FSTL5: variants seen among roughly 807,000 people sequenced by gnomAD.
The protein encoded by FSTL5 is follistatin-related protein 5.
FSTL5 carries 62 observed loss-of-function variants against 89.1 expected under a neutral mutation model. The observed-to-expected ratio is 0.70, with a 90% confidence interval of 0.57 to 0.86. FSTL5 has a LOEUF of 0.86. Ranked by LOEUF, FSTL5 falls within the 40% of genes least tolerant of loss-of-function variation. The pLI is 0.00. For missense variants in FSTL5, 1,057 were observed against 1,001.6 expected (o/e 1.06, Z -0.75); for synonymous variants, 383 against 346.2 (o/e 1.11, Z -1.18).
At chr4:161,783,674 TTTCTCTTTC>T (rs1488016258) in intron 4 of FSTL5, among the ~76,000 whole-genome samples, 2 of 11,614 alleles carry the variant, frequency 1.7e-4, no homozygotes, top group Non-Finnish European at 2.5e-4. Flanking sequence ...TCTTTCTTTC[TTTCTCTTTC>T]TTTCTTTCTT....
intron 13 of FSTL5, among the ~76,000 whole-genome samples, chr4:161,466,944 A>C (rs1733767276): frequency 6.6e-6 from 1 of 152,052 alleles, no homozygotes; most frequent in South Asian, 2.1e-4. Context: ...ATTCAGTTTA[A>C]ATTTTAAAAA....
intron 2 of FSTL5, among the ~76,000 whole-genome samples, chr4:162,108,209 G>C (rs1300224378): frequency 6.6e-6 from 1 of 151,974 alleles, no homozygotes; most frequent in Non-Finnish European, 1.5e-5. Context: ...AGATTGTTGT[G>C]TCATTCATTT....
chr4:161,733,487 A>G (rs1015355337), intron 6 of FSTL5, among the ~76,000 whole-genome samples: 1 of 151,888 alleles, frequency 6.6e-6, no homozygotes, highest in Non-Finnish European at 1.5e-5. Context: ...GTCCCTTTCT[A>G]TTGCCTTATT....
intron 13 of FSTL5, among the ~76,000 whole-genome samples, chr4:161,459,811 T>C (rs1385485177): frequency 6.6e-6 from 1 of 152,098 alleles, no homozygotes; most frequent in Non-Finnish European, 1.5e-5. Context: ...CAATCTGATA[T>C]ATGGCTGTAA....
At chr4:161,605,383 T>G (rs1734401888) in intron 7 of FSTL5, among the ~76,000 whole-genome samples, 1 of 152,196 alleles carries the variant, frequency 6.6e-6, no homozygotes, top group Admixed American at 6.5e-5. Flanking sequence ...TATAATTTTA[T>G]TTCTAGGCCC....
intron 4 of FSTL5, among the ~76,000 whole-genome samples, chr4:161,795,195 C>T (rs1428109080): frequency 6.6e-6 from 1 of 151,958 alleles, no homozygotes; most frequent in Non-Finnish European, 1.5e-5. Flanking sequence ...AAATGGAAGA[C>T]ATTTTAAAAT....
chr4:162,073,531 T>G (rs552799245), intron 2 of FSTL5, among the ~76,000 whole-genome samples: 1 of 151,724 alleles, frequency 6.6e-6, no homozygotes, highest in African/African-American at 2.4e-5. Context: ...TCAAGAAATG[T>G]CTCAAGAAGC....
At chr4:161,721,308 A>AT (rs368706598) in intron 6 of FSTL5, among the ~76,000 whole-genome samples, 96 of 137,840 alleles carry the variant, frequency 7.0e-4, no homozygotes, top group African/African-American at 2.4e-3. Flanking sequence ...AAAAAAAAAA[A>AT]TTTTTCTAAG....
intron 14 of FSTL5, 83 bp downstream of exon 14, chr4:161,459,129 T>A: frequency 1.1e-6 from 1 of 928,362 alleles, no homozygotes; most frequent in Non-Finnish European, 1.7e-6. Context: ...AAAAATATCA[T>A]GGTTAAATGA....
chr4:161,571,959 A>C (rs1421415572), intron 8 of FSTL5, among the ~76,000 whole-genome samples: 1 of 152,210 alleles, frequency 6.6e-6, no homozygotes, highest in Non-Finnish European at 1.5e-5. Flanking sequence ...CTAGAGACAC[A>C]ATAAACGTAT....
chr4:162,003,528 G>A (rs972959703), intron 3 of FSTL5, among the ~76,000 whole-genome samples: 1 of 151,978 alleles, frequency 6.6e-6, no homozygotes, highest in Non-Finnish European at 1.5e-5. Context: ...AAGAAATGAA[G>A]GAAAGAAAGA....
intron 3 of FSTL5, among the ~76,000 whole-genome samples, chr4:162,026,603 T>TA (rs1374324612): frequency 1.3e-5 from 2 of 152,018 alleles, no homozygotes; most frequent in Non-Finnish European, 2.9e-5. Flanking sequence ...CTTATATATA[T>TA]TTTTTTACAA....
chr4:161,410,521 G>A (rs115384799), intron 15 of FSTL5, among the ~76,000 whole-genome samples: 2,339 of 152,140 alleles, frequency 0.015, 54 homozygotes, highest in African/African-American at 0.053. Flanking sequence ...ATTGTAACAA[G>A]CAAACTCTTG....
At chr4:161,884,796 C>A (rs1440596) in intron 4 of FSTL5, among the ~76,000 whole-genome samples, 84,487 of 151,860 alleles carry the variant, frequency 0.56, 23,748 homozygotes, top group East Asian at 0.66. Context: ...ACATGAATAG[C>A]AGACTATCCG....
At chr4:161,473,309 T>C (rs533352130) in intron 13 of FSTL5, among the ~76,000 whole-genome samples, 10 of 152,332 alleles carry the variant, frequency 6.6e-5, no homozygotes, top group Non-Finnish European at 2.9e-5. Flanking sequence ...TTTTGCTTCA[T>C]ATGTTTTGAT....
At chr4:161,809,080 T>A (rs1458066940) in intron 4 of FSTL5, among the ~76,000 whole-genome samples, 1 of 151,966 alleles carries the variant, frequency 6.6e-6, no homozygotes, top group Non-Finnish European at 1.5e-5. Context: ...TTAGCCAGGC[T>A]TGGTGGCGGC....
intron 11 of FSTL5, among the ~76,000 whole-genome samples, chr4:161,503,976 C>G (rs1730389571): frequency 6.6e-6 from 1 of 151,836 alleles, no homozygotes; most frequent in South Asian, 2.1e-4. Flanking sequence ...TAGTTTTCAA[C>G]AGGCTACATG....
chr4:161,515,682 T>A (rs17041154), intron 10 of FSTL5, among the ~76,000 whole-genome samples: 26,761 of 151,748 alleles, frequency 0.18, 2,596 homozygotes, highest in East Asian at 0.37. Flanking sequence ...ATCATATGAA[T>A]TTCTGCCTTT....
intron 13 of FSTL5, among the ~76,000 whole-genome samples, chr4:161,472,412 G>T (rs144882708): frequency 6.7e-6 from 1 of 150,024 alleles, no homozygotes; most frequent in Non-Finnish European, 1.5e-5. Context: ...TTTTCTTTCC[G>T]TTTTTTTAAG....
Sources: gnomAD v4.1 joint callset for allele counts (sites outside exome capture counted in the v4.1 genomes callset) on GRCh38, gnomAD v4.1.1 for gene constraint, MANE v1.5 for transcripts, NCBI Gene and HGNC (gene_info 2026-07-23, HGNC 2026-07-21) for gene names.